Variants in ATAD2B observed in about 807,000 individuals in gnomAD.
ATAD2B encodes ATPase family AAA domain containing 2B.
ATAD2B carries 40 observed loss-of-function variants against 167.6 expected under a neutral mutation model. The observed-to-expected ratio is 0.24, with a 90% CI of 0.19 to 0.31. The LOEUF (loss-of-function observed/expected upper bound fraction) is 0.31, where lower values mean the gene tolerates loss of function less well. Ranked by LOEUF, ATAD2B falls within the 10% of genes least tolerant of loss-of-function variation. The probability of loss-of-function intolerance (pLI) is 1.00; values close to 1 mark genes in which losing one functional copy is unlikely to be tolerated. For missense variants in ATAD2B, 1,242 were observed against 1,757.2 expected (o/e 0.71, Z 5.24); for synonymous variants, 579 against 596.5 (o/e 0.97, Z 0.43).
the ATAD2B span, among the ~76,000 whole-genome samples, chr2:23,701,793 C>CTTTTTT: frequency 4.4e-5 from 1 of 22,544 alleles, no homozygotes; most frequent in African/African-American, 1.2e-4. Flanking sequence ...CTTTTTTTTG[C>CTTTTTT]TTTTTTTTTT....
rs1573503997 is a variant in ATAD2B, at chr2:23,926,915, AAG to A, written c.-147_-146del. 4 of 999,296 alleles carry A rather than the reference AAG, an allele frequency of 4.0e-6. No individual in the cohort carries two copies. Among genetic ancestry groups the A allele is most frequent in the East Asian group, 3.1e-5 (1 of 32,532 alleles). The allele number at this position is 999,296 out of a possible 1,614,324, so 61.9% of individuals were successfully genotyped here. On this transcript the variant is annotated 5_prime_UTR_variant, in exon 1 of 28. Coordinates refer to ENST00000238789, the MANE Select transcript of ATAD2B (RefSeq NM_017552.4). ...GAGCGTGCGGAGCGCAGACGAGCAC[AAG>A]AGAGAGCCGGGCAGAGGAAGGGAAG... is the stretch of plus-strand genomic sequence containing the variant.
chr2:23,825,464 G>C (rs1350783019), intron 15 of ATAD2B, among the ~76,000 whole-genome samples: 1 of 152,024 alleles, frequency 6.6e-6, no homozygotes, highest in Non-Finnish European at 1.5e-5. Flanking sequence ...TACCACTAGT[G>C]TCTCGTTTTA....
intron 8 of ATAD2B, among the ~76,000 whole-genome samples, chr2:23,872,012 G>A (rs1209404019): frequency 6.6e-6 from 1 of 152,042 alleles, no homozygotes; most frequent in Non-Finnish European, 1.5e-5. Context: ...CAAGTAGCTG[G>A]GATTACAGGT....
At chr2:23,701,787 T>G in the ATAD2B span, among the ~76,000 whole-genome samples, 24 of 116,128 alleles carry the variant, frequency 2.1e-4, no homozygotes, top group African/African-American at 6.6e-4. Flanking sequence ...ACATGGCTTT[T>G]TTTTGCTTTT....
chr2:23,845,138 C>T (rs533653089), intron 13 of ATAD2B, among the ~76,000 whole-genome samples: 5 of 152,018 alleles, frequency 3.3e-5, no homozygotes, highest in Admixed American at 3.3e-4. Context: ...GAGAAAATAC[C>T]CTTCAAAAAC....
chr2:23,917,772 A>T (rs1703262359), intron 1 of ATAD2B, among the ~76,000 whole-genome samples: 1 of 152,066 alleles, frequency 6.6e-6, no homozygotes. Flanking sequence ...GAAAAATAAA[A>T]ATATAGCCAG....
chr2:23,808,090 T>TAATTATATATATAAGTAATTATATATAA (rs1684871743), intron 18 of ATAD2B, among the ~76,000 whole-genome samples: 1 of 134,890 alleles, frequency 7.4e-6, no homozygotes, highest in Non-Finnish European at 1.5e-5. Context: ...ATTATATATA[T>TAATTATATATATAAGTAATTATATATAA]AATTATATAT....
chr2:23,703,162 G>A, the ATAD2B span: 2 of 1,398,808 alleles, frequency 1.4e-6, no homozygotes, highest in African/African-American at 3.0e-5. Flanking sequence ...CTTGACCCTG[G>A]GCTCTTTTTC....
chr2:23,796,309 T>C (rs544079714), intron 19 of ATAD2B, among the ~76,000 whole-genome samples: 3 of 152,340 alleles, frequency 2.0e-5, no homozygotes, highest in African/African-American at 7.2e-5. Flanking sequence ...ATAGTAATTA[T>C]GGGTATTGGT....
chr2:23,837,999 A>G (rs1382087446), intron 13 of ATAD2B, among the ~76,000 whole-genome samples: 1 of 152,194 alleles, frequency 6.6e-6, no homozygotes, highest in Non-Finnish European at 1.5e-5. Flanking sequence ...TCTCATTTCT[A>G]TTCCTTTACT....
chr2:23,682,256 C>T, the ATAD2B span, among the ~76,000 whole-genome samples: 2 of 152,204 alleles, frequency 1.3e-5, no homozygotes, highest in African/African-American at 2.4e-5. This position sits in a 1 kb window ranked among gnomAD's most constrained non-coding sequence, Gnocchi z 4.1. Flanking sequence ...CACTCCCACC[C>T]GCTGAGCGCT....
intron 21 of ATAD2B, among the ~76,000 whole-genome samples, chr2:23,784,466 A>G (rs1680515120): frequency 6.6e-6 from 1 of 152,156 alleles, no homozygotes; most frequent in Admixed American, 6.5e-5. Flanking sequence ...TACAACCCTA[A>G]ATAAAATATT....
chr2:23,763,860 G>A (rs770079699), intron 23 of ATAD2B, among the ~76,000 whole-genome samples: 4 of 152,160 alleles, frequency 2.6e-5, no homozygotes, highest in Non-Finnish European at 2.9e-5. Context: ...CCAAAATGCT[G>A]GGATTACAGG....
intron 19 of ATAD2B, among the ~76,000 whole-genome samples, chr2:23,797,673 A>C (rs1682832610): frequency 6.6e-6 from 1 of 152,164 alleles, no homozygotes; most frequent in Non-Finnish European, 1.5e-5. Context: ...ATGGGATCCA[A>C]GTCTAAACAA....
At chr2:23,895,709 A>C in intron 2 of ATAD2B, 110 bp downstream of exon 2, 1 of 669,698 alleles carries the variant, frequency 1.5e-6, no homozygotes, top group South Asian at 3.7e-5. Flanking sequence ...TTTACTTATA[A>C]GTATTTACAA....
chr2:23,875,712 T>A (rs1696721636), intron 8 of ATAD2B, 117 bp downstream of exon 8: 2 of 720,406 alleles, frequency 2.8e-6, no homozygotes, highest in Admixed American at 4.9e-5. Flanking sequence ...AAACTGAATC[T>A]GGAAGATAAT....
At chr2:23,828,778 C>G in intron 15 of ATAD2B, 71 bp downstream of exon 15, 1 of 966,020 alleles carries the variant, frequency 1.0e-6, no homozygotes, top group African/African-American at 1.6e-5. Flanking sequence ...CATTCACATT[C>G]CAAATAAGGG....
chr2:23,877,931 G>A (rs1304584582), intron 7 of ATAD2B, among the ~76,000 whole-genome samples: 1 of 137,610 alleles, frequency 7.3e-6, no homozygotes, highest in Non-Finnish European at 1.5e-5. Context: ...ATGGTGACAT[G>A]CACCTCAGCA....
At chr2:23,892,443 C>T (rs1342104850) in intron 2 of ATAD2B, among the ~76,000 whole-genome samples, 2 of 151,316 alleles carry the variant, frequency 1.3e-5, no homozygotes, top group African/African-American at 2.4e-5. Flanking sequence ...GGATTACAGG[C>T]GTGAGCCACT....
Sources: gnomAD v4.1 joint callset for allele counts (sites outside exome capture counted in the v4.1 genomes callset) on GRCh38, gnomAD v4.1.1 for gene constraint, Gnocchi (gnomAD v3.1) non-coding constraint, MANE v1.5 for transcripts, NCBI Gene and HGNC (gene_info 2026-07-23, HGNC 2026-07-21) for gene names.